The following TAOK3 variants were observed in gnomAD, a reference collection of about 807,000 sequenced individuals.
TAOK3 encodes TAO kinase 3.
TAOK3 carries 40 observed loss-of-function variants against 120.4 expected under a neutral mutation model. The ratio of observed to expected loss-of-function variants is 0.33; its 90% CI spans 0.26 to 0.43. TAOK3 has a LOEUF of 0.43. Ranked by LOEUF, TAOK3 falls within the 20% of genes least tolerant of loss-of-function variation. The pLI, the probability that TAOK3 is intolerant of heterozygous loss-of-function variation, is 1.00. For synonymous variants in TAOK3, 355 were observed against 387.5 expected, an observed-to-expected ratio of 0.92 and a Z score of 0.99; for missense variants, 821 against 1,112.1, an observed-to-expected ratio of 0.74 and a Z score of 3.72.
At chr12:118,349,641 G>T (rs1593653135) in intron 1 of TAOK3, among the ~76,000 whole-genome samples, 1 of 152,070 alleles carries the variant, frequency 6.6e-6, no homozygotes, top group South Asian at 2.1e-4. Flanking sequence ...AATTCTTTTT[G>T]GTGTAATGAA....
In TAOK3 at chr12:118,212,708, G is replaced by A. The variant is rs1389807906; in HGVS notation, c.819+206C>T. Among the ~76,000 whole-genome samples, 5 of 152,096 alleles carry A rather than the reference G, an allele frequency of 3.3e-5. No homozygotes were observed. The East Asian group carries it at 9.6e-4, about 29-fold the overall frequency. On this transcript the variant is annotated intron_variant, in intron 11 of 20. Transcript: ENST00000392533. ...GAGGGGAAAAAATAGAAAAGATAGG[G>A]AAAAACCTATCCACAGGGAATACAT...
At chr12:118,302,540 A>G (rs547470321) in intron 1 of TAOK3, among the ~76,000 whole-genome samples, 7 of 152,208 alleles carry the variant, frequency 4.6e-5, no homozygotes, top group Non-Finnish European at 1.0e-4. Flanking sequence ...TTTTGTAAAG[A>G]AGAGATCTTT....
intron 1 of TAOK3, among the ~76,000 whole-genome samples, chr12:118,299,666 C>T (rs376323597): frequency 6.6e-6 from 1 of 152,054 alleles, no homozygotes; most frequent in Non-Finnish European, 1.5e-5. Flanking sequence ...CACACCACCA[C>T]GCCCGACTAA....
intron 9 of TAOK3, among the ~76,000 whole-genome samples, chr12:118,214,958 T>C (rs938211369): frequency 9.2e-5 from 14 of 151,702 alleles, no homozygotes; most frequent in African/African-American, 2.4e-5. Flanking sequence ...TTGGTCAGGC[T>C]GGTCTTGAAC....
At chr12:118,178,499 A>T (rs1291651767) in intron 15 of TAOK3, among the ~76,000 whole-genome samples, 1 of 151,760 alleles carries the variant, frequency 6.6e-6, no homozygotes, top group Non-Finnish European at 1.5e-5. Flanking sequence ...CCTTTGCCAC[A>T]CAGGCTCGAG....
At chr12:118,350,407 A>T (rs2045083795) in intron 1 of TAOK3, among the ~76,000 whole-genome samples, 1 of 151,722 alleles carries the variant, frequency 6.6e-6, no homozygotes, top group Non-Finnish European at 1.5e-5. Context: ...TATGTATGTG[A>T]ATCTACACAA....
At chr12:118,366,550 C>T (rs962192472) in intron 1 of TAOK3, among the ~76,000 whole-genome samples, 1 of 152,090 alleles carries the variant, frequency 6.6e-6, no homozygotes, top group African/African-American at 2.4e-5. Context: ...CTCTTATTGA[C>T]ACTCAAAAAT....
chr12:118,266,235 C>T (rs1335133071), intron 2 of TAOK3, among the ~76,000 whole-genome samples: 2 of 152,042 alleles, frequency 1.3e-5, no homozygotes, highest in African/African-American at 2.4e-5. Flanking sequence ...CTCTTGTTGC[C>T]GAAGCTGGAG....
intron 16 of TAOK3, among the ~76,000 whole-genome samples, chr12:118,176,107 C>T (rs1330695508): frequency 3.9e-5 from 6 of 152,178 alleles, no homozygotes; most frequent in African/African-American, 1.4e-4. Context: ...TTAGAAAAGG[C>T]TTCCTTAGGA....
intron 3 of TAOK3, among the ~76,000 whole-genome samples, chr12:118,254,843 C>T (rs1215037969): frequency 6.6e-6 from 1 of 152,106 alleles, no homozygotes; most frequent in African/African-American, 2.4e-5. Context: ...CTGCAAGCTC[C>T]ACCTCCCTGG....
chr12:118,184,646 G>A (rs1025645288), intron 14 of TAOK3, among the ~76,000 whole-genome samples: 3 of 152,198 alleles, frequency 2.0e-5, no homozygotes, highest in African/African-American at 4.8e-5. Context: ...CAAAGCTAGA[G>A]AGGGTGGTAA....
At chr12:118,326,281 T>C (rs536514120) in intron 1 of TAOK3, among the ~76,000 whole-genome samples, 2 of 152,348 alleles carry the variant, frequency 1.3e-5, no homozygotes, top group East Asian at 3.9e-4. Flanking sequence ...CTCCAATGTA[T>C]TTTCTTGCCA....
intron 14 of TAOK3, among the ~76,000 whole-genome samples, chr12:118,183,256 G>A (rs1340601883): frequency 2.0e-5 from 3 of 152,122 alleles, no homozygotes; most frequent in Non-Finnish European, 4.4e-5. Flanking sequence ...GCTCTTTTTA[G>A]AAGGTGGCCC....
At chr12:118,215,813 C>T (rs1197306622) in intron 9 of TAOK3, among the ~76,000 whole-genome samples, 1 of 152,078 alleles carries the variant, frequency 6.6e-6, no homozygotes, top group Non-Finnish European at 1.5e-5. Context: ...ATAGCCTTGA[C>T]CTTTCAGGCT....
chr12:118,201,227 G>A, intron 12 of TAOK3, 69 bp downstream of exon 12: 1 of 1,406,330 alleles, frequency 7.1e-7, no homozygotes, highest in South Asian at 1.4e-5. Context: ...GTTTTTCATA[G>A]TGCCCAGTCT....
In TAOK3 at chr12:118,245,438, T is replaced by G. The variant is rs1490988271; in HGVS notation, c.121-473A>C. On this transcript the variant is annotated intron_variant, in intron 3 of 20. Transcript: ENST00000392533. The stretch of plus-strand genomic sequence containing the variant: ...TTCAAGCTATTCTCCTGCTTCAGCC[T>G]CTCAAGTAACTGCGGATTATAGGCA... Among the ~76,000 whole-genome samples the G allele has an allele frequency of 2.0e-5, 3 of 152,026 alleles. No homozygotes were observed. In the East Asian group the frequency reaches 5.8e-4, roughly 29 times the overall value.
intron 7 of TAOK3, chr12:118,236,816 T>G (rs919828632): frequency 2.0e-5 from 3 of 152,180 alleles, no homozygotes; most frequent in Non-Finnish European, 2.9e-5. Flanking sequence ...GACACAGTAT[T>G]TACTTTTAAA....
chr12:118,335,487 T>C (rs969042719), intron 1 of TAOK3, among the ~76,000 whole-genome samples: 11 of 152,102 alleles, frequency 7.2e-5, no homozygotes, highest in African/African-American at 2.2e-4. Context: ...TGGAAAAGAA[T>C]TTCCCAAGCC....
intron 14 of TAOK3, among the ~76,000 whole-genome samples, chr12:118,182,620 TATA>T (rs557548077): frequency 0.015 from 1,354 of 92,314 alleles, 37 homozygotes; most frequent in Admixed American, 0.059. Context: ...TATATATATA[TATA>T]TTTTTTTTTT....
Sources: gnomAD v4.1 joint callset for allele counts (sites outside exome capture counted in the v4.1 genomes callset) on GRCh38, gnomAD v4.1.1 for gene constraint, MANE v1.5 for transcripts, NCBI Gene and HGNC (gene_info 2026-07-23, HGNC 2026-07-21) for gene names.